The following E2F3 variants were observed in gnomAD, a reference collection of about 807,000 sequenced individuals.
E2F3 encodes E2F transcription factor 3, also known as transcription factor E2F3.
A neutral mutation model predicts 44.4 loss-of-function variants in E2F3; 11 were observed. The observed-to-expected ratio is 0.25, with a 90% CI of 0.16 to 0.41. The LOEUF is 0.41. E2F3 is among the 10% of genes least tolerant of loss of function. The pLI, the probability that E2F3 is intolerant of heterozygous loss-of-function variation, is 1.00. For missense variants in E2F3, 487 were observed against 583.6 expected (o/e 0.83, Z 1.70); for synonymous variants, 249 against 253.0 (o/e 0.98, Z 0.15).
At chr6:20,444,986 T>C in intron 1 of E2F3, 1 of 745,640 alleles carries the variant, frequency 1.3e-6, no homozygotes, top group Non-Finnish European at 1.6e-6. Flanking sequence ...TGTCATATAA[T>C]AGATGCTCAA....
intron 1 of E2F3, among the ~76,000 whole-genome samples, chr6:20,461,085 C>T (rs919328090): frequency 3.3e-5 from 5 of 149,334 alleles, no homozygotes; most frequent in Non-Finnish European, 5.9e-5. Context: ...TATACTAAGT[C>T]TCATGCCCAT....
chr6:20,490,201 G>T lies in E2F3; in HGVS notation c.1169G>T (p.Cys390Phe), dbSNP rs755395169. Reference protein sequence around the residue: ...LASTNSGHSDCSVSMGNLSPL... With the variant: ...LASTNSGHSDFSVSMGNLSPL... Reference sequence around the variant, plus strand: ...TCAACCAACTCAGGACATAGCGATTGCTCAGTTTCTATGGGAAACCTTTCT... The same window carrying T: ...TCAACCAACTCAGGACATAGCGATTTCTCAGTTTCTATGGGAAACCTTTCT... The change falls in exon 7 of 7, where the codon TGC (cysteine) becomes TTC (phenylalanine). Residue 390 changes from cysteine (C) to phenylalanine (F), a missense_variant. Around this residue, in one of 3 missense-constraint regions of E2F3, gnomAD observed 220 missense variants for 261.7 expected, o/e 0.84. Transcript: ENST00000346618. This position sits in a 1 kb window ranked among gnomAD's most constrained non-coding sequence, Gnocchi z 4.3. 60 of 1,613,644 alleles carry T rather than the reference G, an allele frequency of 3.7e-5. No individual in the cohort carries two copies. In the East Asian group the frequency reaches 6.7e-4, roughly 18 times the overall value.
chr6:20,479,770 G>C, intron 1 of E2F3, 76 bp from the exon 2 acceptor site: 1 of 1,304,220 alleles, frequency 7.7e-7, no homozygotes, highest in Non-Finnish European at 1.1e-6. Context: ...CATTTGGCAG[G>C]CCAGCCCACA....
Position 20,491,806 on chromosome 6 carries a change from G to A in E2F3, c.*1376G>A, listed in dbSNP as rs926256158. The A allele has an allele frequency of 4.4e-5, 8 of 179,840 alleles. No homozygotes were observed. The highest frequency in any genetic ancestry group is 2.0e-4 in the South Asian group (1 of 5,044). The allele number at this position is 179,840 out of a possible 1,614,324, so 11.1% of individuals were successfully genotyped here. On this transcript the variant is annotated 3_prime_UTR_variant, in exon 7 of 7. Coordinates refer to ENST00000346618, the MANE Select transcript of E2F3 (RefSeq NM_001949.5). ...GGAATAAGTTGGACCAAGGGAAGTCGGGGACGTAAAAAATGAAGCAAAACA... is the reference window on the plus strand; with the variant it reads ...GGAATAAGTTGGACCAAGGGAAGTCAGGGACGTAAAAAATGAAGCAAAACA...
chr6:20,413,246 T>A (rs1759733333), intron 1 of E2F3, among the ~76,000 whole-genome samples: 1 of 152,172 alleles, frequency 6.6e-6, no homozygotes, highest in African/African-American at 2.4e-5. Context: ...GTAGCACTTG[T>A]TACAGATTCA....
chr6:20,482,956 G>A (rs761580369), intron 4 of E2F3, 36 bp downstream of exon 4: 8 of 1,611,564 alleles, frequency 5.0e-6, no homozygotes. Flanking sequence ...GGGGGTTAGT[G>A]CTTCCTAGAC....
At chr6:20,441,039 A>G (rs1304287008) in intron 1 of E2F3, among the ~76,000 whole-genome samples, 2 of 152,244 alleles carry the variant, frequency 1.3e-5, no homozygotes, top group African/African-American at 4.8e-5. Context: ...TTACTATTTT[A>G]ACCATTTTTA....
intron 1 of E2F3, among the ~76,000 whole-genome samples, chr6:20,428,297 C>T (rs1004585135): frequency 6.6e-6 from 1 of 152,074 alleles, no homozygotes; most frequent in African/African-American, 2.4e-5. Flanking sequence ...GATCTTGGCT[C>T]ACTGCAACCT....
chr6:20,413,489 C>T (rs936187493), intron 1 of E2F3, among the ~76,000 whole-genome samples: 2 of 152,190 alleles, frequency 1.3e-5, no homozygotes, highest in Non-Finnish European at 2.9e-5. Flanking sequence ...CCAAAACTTG[C>T]AGACTCCCAG....
intron 4 of E2F3, among the ~76,000 whole-genome samples, chr6:20,484,952 CA>C (rs575881477): frequency 0.046 from 2,842 of 62,422 alleles, 71 homozygotes; most frequent in African/African-American, 0.12. Flanking sequence ...GAGTCCGTCT[CA>C]AAAAAAAAAA....
chr6:20,402,255 C>T lies in E2F3; in HGVS notation c.23C>T (p.Ala8Val). The T allele has an allele frequency of 6.2e-7, 1 of 1,602,922 alleles. No individual in the cohort carries two copies. Among genetic ancestry groups the T allele is most frequent in the Non-Finnish European group, 8.5e-7 (1 of 1,177,272 alleles). The change falls in exon 1 of 7, where the codon GCT becomes GTT. Residue 8 changes from alanine (A) to valine (V), a missense_variant. Ala to Val is a moderately conservative substitution (Grantham distance 64). This residue lies in a region of E2F3 where 238 missense variants were observed against 236.0 expected (regional missense o/e 1.01). Coordinates refer to ENST00000346618, the MANE Select transcript of E2F3 (RefSeq NM_001949.5). The surrounding 1 kb of genome is among the most constrained non-coding windows in gnomAD (Gnocchi z 5.6). ...GAGATGAGAAAGGGAATCCAGCCCG[C>T]TCTGGAGCAGTACCTGGTGACCGCC... MRKGIQP[A>V]LEQYLVTAGG...
At position 20,402,616 on chromosome 6, in the gene E2F3, C is replaced by A; in HGVS notation, c.384C>A (p.Gly128=). ...GACGCGGCGGCAGCGGCGGCGGCGG[C>A]GGCCCTCCGGTAATACCCTCCCTCC... ...ALGRGGSGGG[G]GPPAKRRLEL... The change falls in exon 1 of 7, where the codon GGC becomes GGA. Residue 128 remains glycine, a synonymous_variant. Coordinates refer to ENST00000346618, the MANE Select transcript of E2F3 (RefSeq NM_001949.5). The surrounding 1 kb of genome is among the most constrained non-coding windows in gnomAD (Gnocchi z 5.6). 1 of 1,338,030 alleles carries A rather than the reference C, an allele frequency of 7.5e-7. No individual in the cohort carries two copies. Among genetic ancestry groups the A allele is most frequent in the Non-Finnish European group, 9.5e-7 (1 of 1,053,238 alleles). 82.9% of individuals were successfully genotyped at this position (1,338,030 alleles called of 1,614,324 possible).
chr6:20,438,952 T>C (rs1581601610), intron 1 of E2F3, among the ~76,000 whole-genome samples: 1 of 152,186 alleles, frequency 6.6e-6, no homozygotes. Context: ...TTGTTGCTGA[T>C]TCAGAGATTC....
intron 5 of E2F3, 120 bp from the exon 6 acceptor site, chr6:20,487,993 T>G: frequency 1.4e-6 from 2 of 1,397,142 alleles, no homozygotes; most frequent in African/African-American, 1.4e-5. Context: ...GTTGGACTAG[T>G]AGGGAAAAAG....
chr6:20,479,972 A>T lies in E2F3; in HGVS notation c.505+15A>T. ...TAGTCCAAAAAGTAAGGATCTTTTC[A>T]TCTCTTTCCTTATTCTCCTTGGTAT... On this transcript the variant is annotated intron_variant, in intron 2 of 6. Transcript: ENST00000346618. The T allele has an allele frequency of 2.5e-6, 4 of 1,590,920 alleles. No homozygotes were observed. The highest frequency in any genetic ancestry group is 2.7e-5 in the African/African-American group (2 of 74,614).
intron 1 of E2F3, among the ~76,000 whole-genome samples, chr6:20,453,838 T>C (rs1333935971): frequency 1.3e-5 from 2 of 152,228 alleles, no homozygotes; most frequent in African/African-American, 4.8e-5. Flanking sequence ...CACTATTCCC[T>C]TGTAAAACAA....
chr6:20,455,417 G>A (rs536093198), intron 1 of E2F3, among the ~76,000 whole-genome samples: 7 of 152,300 alleles, frequency 4.6e-5, no homozygotes, highest in African/African-American at 1.7e-4. Flanking sequence ...CCTCTTTGGA[G>A]ACTCTGACCT....
chr6:20,443,073 A>G (rs1581606086), intron 1 of E2F3, among the ~76,000 whole-genome samples: 2 of 152,216 alleles, frequency 1.3e-5, no homozygotes, highest in East Asian at 3.8e-4. Context: ...AGATGAGGAA[A>G]CAAACCTGTC....
At chr6:20,445,079 C>G (rs771702498) in intron 1 of E2F3, 545 of 985,306 alleles carry the variant, frequency 5.5e-4, no homozygotes, top group Non-Finnish European at 6.3e-4. Context: ...TCAAGTTCCT[C>G]CTCAGTCGGG....
Sources: gnomAD v4.1 joint callset for allele counts (sites outside exome capture counted in the v4.1 genomes callset) on GRCh38, gnomAD v4.1.1 for gene constraint, gnomAD v4.1.1 regional missense constraint, Gnocchi (gnomAD v3.1) non-coding constraint, MANE v1.5 for transcripts, NCBI Gene and HGNC (gene_info 2026-07-23, HGNC 2026-07-21) for gene names.